MYO9B: variants seen among roughly 807,000 people sequenced by gnomAD.
MYO9B encodes the protein unconventional myosin-IXb.
MYO9B carries 71 observed loss-of-function variants against 229.5 expected under a neutral mutation model. The ratio of observed to expected loss-of-function variants is 0.31; its 90% CI spans 0.26 to 0.38. The LOEUF is 0.38. Among genes scored for constraint, MYO9B ranks in the 10% least tolerant of loss-of-function variants. The pLI is 1.00. For missense variants in MYO9B, 2,255 were observed against 2,920.5 expected (o/e 0.77, Z 5.25); for synonymous variants, 1,185 against 1,235.8 (o/e 0.96, Z 0.86).
At position 17,102,368 on chromosome 19, in the gene MYO9B, G is replaced by T. The variant is rs755111633; in HGVS notation, c.651G>T (p.Ala217=). ...GCAAGCTGGAGCCACACGTCTTCGC[G>T]CTGGCCGACGTGGCCTACTACACCA... ...QLGKLEPHVF[A]LADVAYYTML... is the part of the protein sequence containing the mutation. Residue 217 remains alanine (A), a synonymous_variant, in exon 2 of 40, where the codon GCG becomes GCT. Coordinates refer to ENST00000682292, the MANE Select transcript of MYO9B (RefSeq NM_004145.4). The T allele has an allele frequency of 6.2e-7, 1 of 1,613,882 alleles. No individual in the cohort carries two copies. The highest frequency in any genetic ancestry group is 1.3e-5 in the African/African-American group (1 of 74,930).
intron 5 of MYO9B, 57 bp from the exon 6 acceptor site, chr19:17,154,258 G>A: frequency 6.5e-7 from 1 of 1,535,394 alleles, no homozygotes; most frequent in Non-Finnish European, 9.0e-7. Context: ...AATCACTCTG[G>A]CACGCCACCC....
chr19:17,137,764 A>G (rs1166126762), intron 2 of MYO9B, among the ~76,000 whole-genome samples: 2 of 151,726 alleles, frequency 1.3e-5, no homozygotes, highest in Non-Finnish European at 2.9e-5. Context: ...TTTTATTTGA[A>G]ACAGAGTCTC....
At chr19:17,171,801 A>G (rs541229546) in intron 11 of MYO9B, among the ~76,000 whole-genome samples, 37 of 152,010 alleles carry the variant, frequency 2.4e-4, no homozygotes, top group Non-Finnish European at 4.3e-4. Flanking sequence ...AAAAAGAAAA[A>G]CATTGTACTA....
chr19:17,152,813 G>A (rs2072493580), intron 4 of MYO9B, 107 bp downstream of exon 4: 7 of 989,304 alleles, frequency 7.1e-6, no homozygotes, highest in Non-Finnish European at 1.1e-5. Flanking sequence ...GGAATTCTGG[G>A]GGAGGCCGTG....
At position 17,195,688 on chromosome 19, in the gene MYO9B, C is replaced by A. The variant is rs985067420; in HGVS notation, c.4046+215C>A. ...GCTGGGACCTGGAGCCTTGAGGGGT[C>A]CCCAGAAGGAGCTGTGCTCACACAG... On this transcript the variant is annotated intron_variant, in intron 22 of 39. Transcript: ENST00000682292. The surrounding 1 kb of genome is among the most constrained non-coding windows in gnomAD (Gnocchi z 4.5). Among the ~76,000 whole-genome samples, 2 of 152,150 alleles carry A rather than the reference C, an allele frequency of 1.3e-5. No individual in the cohort carries two copies. The highest frequency in any genetic ancestry group is 4.8e-5 in the African/African-American group (2 of 41,448).
chr19:17,138,063 C>A (rs145733121), intron 2 of MYO9B, among the ~76,000 whole-genome samples: 1 of 152,112 alleles, frequency 6.6e-6, no homozygotes, highest in Non-Finnish European at 1.5e-5. Flanking sequence ...CCCCCTACCC[C>A]CTACAGGCCC....
Position 17,212,457 on chromosome 19 carries a change from T to G in MYO9B, c.*147T>G. ...ACGTGAGGTGGGCACCGGCCCCAAG[T>G]GCAGAGTCAAGGCAGGGAGAGGCCG... On this transcript the variant is annotated 3_prime_UTR_variant, in exon 40 of 40. Transcript: ENST00000682292. This position sits in a 1 kb window ranked among gnomAD's most constrained non-coding sequence, Gnocchi z 5.4. The G allele has an allele frequency of 9.6e-7, 1 of 1,038,456 alleles. No individual in the cohort carries two copies. The highest frequency in any genetic ancestry group is 1.3e-6 in the Non-Finnish European group (1 of 762,402). 64.3% of individuals were successfully genotyped at this position (1,038,456 alleles called of 1,614,324 possible). A position where few individuals can be genotyped will look rare whatever the true frequency, so the allele number is the denominator to read the frequency against.
At chr19:17,167,865 C>T in intron 10 of MYO9B, 78 bp from the exon 11 acceptor site, 2 of 1,509,276 alleles carry the variant, frequency 1.3e-6, no homozygotes, top group Non-Finnish European at 1.8e-6. Context: ...GGATACTCGA[C>T]CTGTATGCAA....
At chr19:17,183,767 C>T (rs1297004282) in intron 15 of MYO9B, 62 bp from the exon 16 acceptor site, 12 of 1,452,678 alleles carry the variant, frequency 8.3e-6, no homozygotes, top group Non-Finnish European at 1.0e-5. Context: ...GCTTGCTGAA[C>T]TAACCCAAAT....
intron 3 of MYO9B, among the ~76,000 whole-genome samples, chr19:17,152,233 G>T (rs1271925813): frequency 6.7e-6 from 1 of 150,196 alleles, no homozygotes; most frequent in Non-Finnish European, 1.5e-5. Flanking sequence ...TCACCCACTA[G>T]GGTGGCTAGA....
intron 13 of MYO9B, among the ~76,000 whole-genome samples, chr19:17,174,881 C>A (rs997818466): frequency 1.3e-5 from 2 of 151,790 alleles, no homozygotes; most frequent in African/African-American, 4.8e-5. Flanking sequence ...TTGCAGTGAG[C>A]CAAGATCGCG....
intron 10 of MYO9B, among the ~76,000 whole-genome samples, chr19:17,166,322 C>T (rs551305131): frequency 1.3e-5 from 2 of 152,244 alleles, no homozygotes; most frequent in South Asian, 2.1e-4. Context: ...GGATTACAGG[C>T]GTGAGCCACC....
intron 19 of MYO9B, among the ~76,000 whole-genome samples, chr19:17,189,564 T>C (rs912049696): frequency 6.6e-6 from 1 of 151,528 alleles, no homozygotes; most frequent in Non-Finnish European, 1.5e-5. Context: ...TCTGGGAGGT[T>C]GAAGGTGCAG....
At chr19:17,162,534 G>GGTA in intron 9 of MYO9B, 68 bp downstream of exon 9, 4 of 1,346,348 alleles carry the variant, frequency 3.0e-6, no homozygotes, top group Non-Finnish European at 4.1e-6. Context: ...CAATATCCTT[G>GGTA]GTGGGCGACC....
chr19:17,112,173 C>T (rs926503874), intron 2 of MYO9B, among the ~76,000 whole-genome samples: 2 of 152,158 alleles, frequency 1.3e-5, no homozygotes, highest in Admixed American at 1.3e-4. Context: ...GATTGACACT[C>T]ACACAGAGGA....
At chr19:17,154,096 G>A (rs377535325) in intron 5 of MYO9B, 30 bp downstream of exon 5, 25 of 1,579,946 alleles carry the variant, frequency 1.6e-5, no homozygotes, top group Middle Eastern at 1.7e-4. Context: ...AGCCACAAAC[G>A]CCACCTCTGT....
In MYO9B at chr19:17,130,708, T is replaced by TG. The variant is rs1386180373; in HGVS notation, c.841-14683dup. ...CTGAGGCAGGAGGATCGCTTGAACC[T>TG]GGGGGGCGGAGGTTGCAGTGAGCCA... On this transcript the variant is annotated intron_variant, in intron 2 of 39. Coordinates refer to ENST00000682292, the MANE Select transcript of MYO9B (RefSeq NM_004145.4). Among the ~76,000 whole-genome samples the TG allele has an allele frequency of 4.1e-5, 6 of 146,546 alleles. No homozygotes were observed. In the East Asian group the frequency reaches 1.2e-3, roughly 29 times the overall value.
At chr19:17,146,212 T>A (rs1403105784) in intron 3 of MYO9B, among the ~76,000 whole-genome samples, 2 of 147,038 alleles carry the variant, frequency 1.4e-5, no homozygotes, top group Non-Finnish European at 3.0e-5. Flanking sequence ...GATGGATGGA[T>A]CGATGGATTG....
intron 2 of MYO9B, among the ~76,000 whole-genome samples, chr19:17,137,686 G>C (rs538336335): frequency 6.6e-6 from 1 of 152,272 alleles, no homozygotes; most frequent in African/African-American, 2.4e-5. Flanking sequence ...AGCTCTGCCC[G>C]AGGCTTTGCA....
Sources: gnomAD v4.1 joint callset for allele counts (sites outside exome capture counted in the v4.1 genomes callset) on GRCh38, gnomAD v4.1.1 for gene constraint, Gnocchi (gnomAD v3.1) non-coding constraint, MANE v1.5 for transcripts, NCBI Gene and HGNC (gene_info 2026-07-23, HGNC 2026-07-21) for gene names.